MED23: variants seen among roughly 807,000 people sequenced by gnomAD.
The protein encoded by MED23 is mediator of RNA polymerase II transcription subunit 23.
MED23 carries 105 observed loss-of-function variants against 163.9 expected under a neutral mutation model. That is an observed-to-expected ratio of 0.64 (90% CI 0.55 to 0.75). The LOEUF is 0.75. Among genes scored for constraint, MED23 ranks in the 30% least tolerant of loss-of-function variants. MED23 has a pLI of 0.00. For synonymous variants in MED23, 561 were observed against 565.6 expected (o/e 0.99, Z 0.12); for missense variants, 1,054 against 1,649.0 (o/e 0.64, Z 6.25).
At chr6:131,584,472 C>T (rs1774102105), downstream of MED23, 1 of 152,600 alleles carries the variant, frequency 6.6e-6, no homozygotes, top group Non-Finnish European at 1.5e-5. Flanking sequence ...TGAAAAGTCA[C>T]AGTGAAATCA....
chr6:131,627,314 A>T, intron 3 of MED23, 82 bp downstream of exon 3: 1 of 979,148 alleles, frequency 1.0e-6, no homozygotes, highest in South Asian at 1.4e-5. Context: ...AGCAGCATGA[A>T]AGTAAATGTT....
intron 23 of MED23, among the ~76,000 whole-genome samples, chr6:131,593,836 C>T (rs1485680752): frequency 2.0e-5 from 3 of 151,988 alleles, no homozygotes; most frequent in Non-Finnish European, 4.4e-5. Context: ...TGAAACAAAT[C>T]TCCATAAAGT....
At chr6:131,608,783 G>A (rs1055199062) in intron 11 of MED23, among the ~76,000 whole-genome samples, 27 of 152,136 alleles carry the variant, frequency 1.8e-4, no homozygotes, top group Non-Finnish European at 2.9e-4. Context: ...CAATATTTAT[G>A]AAAAATTTTC....
At chr6:131,584,816 TACACACACACACACACACACACAC>T (rs59196638), downstream of MED23, among the ~76,000 whole-genome samples, 2 of 134,044 alleles carry the variant, frequency 1.5e-5, no homozygotes, top group Non-Finnish European at 3.2e-5. Flanking sequence ...CTACAAAAAA[TACACACACACACACACACACACAC>T]ACACACACAC....
At chr6:131,615,242 C>A in intron 10 of MED23, 1 of 1,516,280 alleles carries the variant, frequency 6.6e-7, no homozygotes, top group Admixed American at 1.7e-5. Context: ...CGACCATACA[C>A]GTATTCTCTA....
At chr6:131,596,942 T>C (rs1467775923) in intron 20 of MED23, among the ~76,000 whole-genome samples, 2 of 152,212 alleles carry the variant, frequency 1.3e-5, no homozygotes, top group African/African-American at 4.8e-5. Context: ...TTCACAGCTA[T>C]CACCTAAGCA....
intron 14 of MED23, 131 bp from the exon 15 acceptor site, chr6:131,604,451 GT>G: frequency 2.9e-6 from 3 of 1,043,870 alleles, no homozygotes; most frequent in South Asian, 2.8e-5. Flanking sequence ...CATTTAATGT[GT>G]TTAAGCTGTG....
intron 11 of MED23, 127 bp downstream of exon 11, chr6:131,609,919 C>A: frequency 1.1e-6 from 1 of 872,574 alleles, no homozygotes; most frequent in Non-Finnish European, 1.9e-6. Flanking sequence ...TATAAAAGCA[C>A]TAAACAGGAC....
Position 131,604,233 on chromosome 6 carries a change from G to C in MED23, c.1701C>G (p.Tyr567Ter). Reference protein sequence around the residue: ...VALAPALVETYSRLLVYMEIE... With the variant: ...VALAPALVET ...TTTCCATATAGACCAATAAACGACT[G>C]TAAGTTTCCACTAGGGCTGGAGCCA... The change falls in exon 15 of 29, where the codon TAC becomes TAG. Residue 567 changes from tyrosine to a stop codon, truncating the protein, a stop_gained. Transcript: ENST00000368068. LOFTEE classifies it high-confidence loss of function. 6.2e-7 allele frequency: 1 copy of C among 1,613,810 alleles called. No homozygotes were observed. The highest frequency in any genetic ancestry group is 8.5e-7 in the Non-Finnish European group (1 of 1,179,776).
intron 13 of MED23, among the ~76,000 whole-genome samples, chr6:131,606,000 A>G (rs1775827153): frequency 6.6e-6 from 1 of 152,168 alleles, no homozygotes; most frequent in Non-Finnish European, 1.5e-5. Context: ...TGACTACAAT[A>G]CAATACTATC....
intron 30 of MED23, chr6:131,579,609 C>T (rs538717210): frequency 3.1e-5 from 7 of 226,322 alleles, no homozygotes; most frequent in East Asian, 1.2e-4. Context: ...TCTTAATTGC[C>T]GATAATATAT....
At chr6:131,620,855 T>A in intron 6 of MED23, 126 bp from the exon 7 acceptor site, 2 of 568,636 alleles carry the variant, frequency 3.5e-6, no homozygotes, top group South Asian at 4.6e-5. Flanking sequence ...AGGCTTGGAG[T>A]GCAGTGGCGT....
At chr6:131,592,627 A>C in intron 24 of MED23, 167 bp from the exon 25 acceptor site, 1 of 659,120 alleles carries the variant, frequency 1.5e-6, no homozygotes, top group East Asian at 2.7e-5. Flanking sequence ...AATATGCATA[A>C]AAACTCAAGA....
chr6:131,600,450 A>G (rs1213056672), intron 17 of MED23, among the ~76,000 whole-genome samples: 1 of 152,190 alleles, frequency 6.6e-6, no homozygotes, highest in Non-Finnish European at 1.5e-5. Context: ...CAAGCCCATC[A>G]CTACTGTTCA....
intron 11 of MED23, among the ~76,000 whole-genome samples, chr6:131,609,308 C>T (rs890957068): frequency 3.3e-5 from 5 of 152,094 alleles, no homozygotes; most frequent in African/African-American, 1.2e-4. Flanking sequence ...GCTTTCCTGC[C>T]TTCCTTATCT....
At position 131,587,336 on chromosome 6, in the gene MED23, T is replaced by TA; in HGVS notation, c.*342dup. 9.0e-7 allele frequency: 1 copy of TA among 1,116,552 alleles called. No homozygotes were observed. The highest frequency in any genetic ancestry group is 2.9e-5 in the South Asian group (1 of 34,722). 69.2% of individuals were successfully genotyped at this position (1,116,552 alleles called of 1,614,324 possible). On this transcript the variant is annotated 3_prime_UTR_variant, in exon 29 of 29. Coordinates refer to ENST00000368068, the MANE Select transcript of MED23 (RefSeq NM_004830.4). The stretch of plus-strand genomic sequence containing the variant: ...TGAAGACTAAATATGTCATTAATAA[T>TA]AAAAAATACAAACAAAAACAACGGC...
At chr6:131,575,170 G>C (rs914626608) in intron 30 of MED23, among the ~76,000 whole-genome samples, 34 of 152,138 alleles carry the variant, frequency 2.2e-4, no homozygotes, top group African/African-American at 8.2e-4. Context: ...AGCAAATATA[G>C]TGTCAACTAA....
At chr6:131,612,267 C>T (rs1585536414) in intron 10 of MED23, among the ~76,000 whole-genome samples, 2 of 148,298 alleles carry the variant, frequency 1.3e-5, no homozygotes, top group African/African-American at 5.0e-5. Flanking sequence ...GCTTTATCTG[C>T]AAATTTTGGT....
rs1386745257 is a variant in MED23, at chr6:131,586,962, T to TA, written c.*716dup. 2.0e-5 allele frequency: 30 copies of TA among 1,486,842 alleles called. No individual in the cohort carries two copies. Among genetic ancestry groups the TA allele is most frequent in the Middle Eastern group, 4.9e-4 (2 of 4,108 alleles). 92.1% of individuals were successfully genotyped at this position (1,486,842 alleles called of 1,614,324 possible). A position where few individuals can be genotyped will look rare whatever the true frequency, so the allele number is the denominator to read the frequency against. On this transcript the variant is annotated 3_prime_UTR_variant, in exon 29 of 29. Coordinates refer to ENST00000368068, the MANE Select transcript of MED23 (RefSeq NM_004830.4). ...CCTGCAAAAGCAATTAACTTATTTT[T>TA]AAAAAAAGAAATTGGAGAATCAACC...
Sources: allele counts gnomAD v4.1 joint callset (sites outside exome capture counted in the v4.1 genomes callset), GRCh38; gene constraint gnomAD v4.1.1; transcripts MANE v1.5; gene names NCBI Gene and HGNC (gene_info 2026-07-23, HGNC 2026-07-21).